The following NPSR1 variants were observed in gnomAD, a reference collection of about 807,000 sequenced individuals.
NPSR1 encodes the protein neuropeptide S receptor.
In NPSR1, 48 loss-of-function variants were observed where a neutral mutation model predicts 46.9. The observed-to-expected ratio is 1.02, with a 90% CI of 0.81 to 1.30. NPSR1 has a LOEUF of 1.30. Ranked by LOEUF, NPSR1 falls within the 50% of genes most tolerant of loss-of-function variation. The pLI is 0.00. For missense variants in NPSR1, 450 were observed against 449.5 expected, an observed-to-expected ratio of 1.00 and a Z score of -0.01; for synonymous variants, 176 against 168.1, an observed-to-expected ratio of 1.05 and a Z score of -0.36.
At chr7:34,757,848 C>T (rs1785949022) in intron 2 of NPSR1, among the ~76,000 whole-genome samples, 1 of 152,250 alleles carries the variant, frequency 6.6e-6, no homozygotes, top group Admixed American at 6.5e-5. Flanking sequence ...AAACAACTTA[C>T]TTTGCCCCAG....
At chr7:34,857,887 T>C (rs1352813462) in intron 8 of NPSR1, among the ~76,000 whole-genome samples, 2 of 151,160 alleles carry the variant, frequency 1.3e-5, no homozygotes, top group East Asian at 1.9e-4. Flanking sequence ...CATAGAAAAA[T>C]GGGCAAGAAT....
chr7:34,760,425 C>T lies in NPSR1; in HGVS notation c.281-18037C>T, dbSNP rs1475128239. Reference sequence around the variant, plus strand: ...TTCTTATTACAATTTTACAAAGAGCCCTGGATTCCGTGTGGTCAGTAGCAA... The same window carrying T: ...TTCTTATTACAATTTTACAAAGAGCTCTGGATTCCGTGTGGTCAGTAGCAA... On this transcript the variant is annotated intron_variant, in intron 2 of 8. Transcript: ENST00000360581. Among the ~76,000 whole-genome samples, 4 of 152,114 alleles carry T rather than the reference C, an allele frequency of 2.6e-5. No homozygotes were observed. In the East Asian group the frequency reaches 5.8e-4, roughly 22 times the overall value.
chr7:34,802,707 T>C (rs1305323480), intron 3 of NPSR1, among the ~76,000 whole-genome samples: 2 of 150,410 alleles, frequency 1.3e-5, no homozygotes, highest in African/African-American at 5.0e-5. Flanking sequence ...AAAGCCATAA[T>C]TGACAAATGG....
At chr7:34,720,793 A>G (rs1379853777) in intron 2 of NPSR1, among the ~76,000 whole-genome samples, 1 of 152,202 alleles carries the variant, frequency 6.6e-6, no homozygotes, top group Non-Finnish European at 1.5e-5. Flanking sequence ...TCACTGTACA[A>G]TGAACAGAAA....
chr7:34,863,454 T>C (rs962839909), intron 8 of NPSR1, among the ~76,000 whole-genome samples: 6 of 151,638 alleles, frequency 4.0e-5, no homozygotes, highest in African/African-American at 1.5e-4. Flanking sequence ...ACCTACAGAA[T>C]GGGAGAAAAT....
intron 1 of NPSR1, among the ~76,000 whole-genome samples, chr7:34,666,166 T>C (rs1294622302): frequency 6.6e-6 from 1 of 152,248 alleles, no homozygotes; most frequent in Non-Finnish European, 1.5e-5. Flanking sequence ...CCATGTTCTA[T>C]ATTATTTAGT....
At chr7:34,853,259 T>C (rs934509500), downstream of NPSR1, among the ~76,000 whole-genome samples, 4 of 152,192 alleles carry the variant, frequency 2.6e-5, no homozygotes, top group Non-Finnish European at 5.9e-5. Context: ...AAAAATATCT[T>C]TAGCAGGAAA....
chr7:34,862,956 G>T (rs546590157), intron 8 of NPSR1, among the ~76,000 whole-genome samples: 46 of 151,782 alleles, frequency 3.0e-4, no homozygotes, highest in Non-Finnish European at 6.0e-4. Context: ...CAGCAAGGAG[G>T]CATCGAGCTA....
At chr7:34,799,408 A>T (rs1335578129) in intron 3 of NPSR1, among the ~76,000 whole-genome samples, 2 of 152,106 alleles carry the variant, frequency 1.3e-5, no homozygotes, top group Non-Finnish European at 2.9e-5. Context: ...AAAGAAGAGG[A>T]TTCAACATTC....
intron 3 of NPSR1, among the ~76,000 whole-genome samples, chr7:34,808,432 A>G (rs1342813990): frequency 6.6e-6 from 1 of 152,206 alleles, no homozygotes; most frequent in African/African-American, 2.4e-5. Context: ...AACAAAAGAG[A>G]GACCCAAAAT....
chr7:34,734,195 T>G (rs369056256), intron 2 of NPSR1, among the ~76,000 whole-genome samples: 1 of 152,216 alleles, frequency 6.6e-6, no homozygotes, highest in Non-Finnish European at 1.5e-5. Flanking sequence ...ATATTAGAGA[T>G]GGCTGAAGAG....
chr7:34,679,836 A>C (rs1792526437), intron 1 of NPSR1, among the ~76,000 whole-genome samples: 1 of 152,176 alleles, frequency 6.6e-6, no homozygotes, highest in Non-Finnish European at 1.5e-5. Flanking sequence ...AATATGCAAC[A>C]GTTTTATTTA....
chr7:34,664,835 A>T (rs989686572), intron 1 of NPSR1, among the ~76,000 whole-genome samples: 2 of 152,210 alleles, frequency 1.3e-5, no homozygotes, highest in Non-Finnish European at 2.9e-5. Context: ...TTTCCAGGCC[A>T]CAGATGGCAA....
At chr7:34,692,107 G>A (rs528228222) in intron 2 of NPSR1, among the ~76,000 whole-genome samples, 5 of 152,216 alleles carry the variant, frequency 3.3e-5, no homozygotes, top group African/African-American at 1.2e-4. Flanking sequence ...GGGCAAAAGA[G>A]TGAGACCCTG....
At chr7:34,742,183 T>C (rs988993925) in intron 2 of NPSR1, among the ~76,000 whole-genome samples, 1 of 151,880 alleles carries the variant, frequency 6.6e-6, no homozygotes, top group Non-Finnish European at 1.5e-5. Flanking sequence ...TTTTTTTTTT[T>C]AGGTTTGGGG....
chr7:34,699,052 G>A (rs958627372), intron 2 of NPSR1, among the ~76,000 whole-genome samples: 1 of 152,158 alleles, frequency 6.6e-6, no homozygotes, highest in African/African-American at 2.4e-5. Flanking sequence ...CTTATTTCTA[G>A]AATTGTTCTA....
intron 2 of NPSR1, among the ~76,000 whole-genome samples, chr7:34,698,478 G>T (rs192958933): frequency 6.6e-6 from 1 of 152,250 alleles, no homozygotes; most frequent in Non-Finnish European, 1.5e-5. Flanking sequence ...ACCAGAGAAT[G>T]AATGCCCTGC....
chr7:34,725,099 T>TCACACACA (rs56880784), intron 2 of NPSR1, among the ~76,000 whole-genome samples: 17,186 of 146,502 alleles, frequency 0.12, 1,159 homozygotes, highest in Non-Finnish European at 0.16. Context: ...ACACACAGAC[T>TCACACACA]CACACACACA....
At chr7:34,818,587 C>A (rs891628581) in intron 4 of NPSR1, among the ~76,000 whole-genome samples, 2 of 152,100 alleles carry the variant, frequency 1.3e-5, no homozygotes, top group Non-Finnish European at 2.9e-5. Context: ...TCATATGGAG[C>A]CATAAAAGAG....
Sources: gnomAD v4.1 joint callset for allele counts (sites outside exome capture counted in the v4.1 genomes callset) on GRCh38, gnomAD v4.1.1 for gene constraint, MANE v1.5 for transcripts, NCBI Gene and HGNC (gene_info 2026-07-23, HGNC 2026-07-21) for gene names.